KCNMB2: variants seen among roughly 807,000 people sequenced by gnomAD.
KCNMB2 encodes the protein calcium-activated potassium channel subunit beta-2.
A neutral mutation model predicts 24.5 loss-of-function variants in KCNMB2; 9 were observed. The ratio of observed to expected loss-of-function variants is 0.37; its 90% confidence interval spans 0.22 to 0.64. The LOEUF (loss-of-function observed/expected upper bound fraction) is 0.64, where lower values mean the gene tolerates loss of function less well. Ranked by LOEUF, KCNMB2 falls within the 30% of genes least tolerant of loss-of-function variation. The pLI is 0.63. For synonymous variants in KCNMB2, 109 were observed against 104.4 expected (o/e 1.04, Z -0.27); for missense variants, 226 against 284.3 (o/e 0.79, Z 1.47).
intron 1 of KCNMB2, among the ~76,000 whole-genome samples, chr3:178,775,624 T>G (rs1045483349): frequency 6.6e-6 from 1 of 152,234 alleles, no homozygotes; most frequent in African/African-American, 2.4e-5. Flanking sequence ...TCATACCAAA[T>G]AGCTACCCTT....
intron 1 of KCNMB2, among the ~76,000 whole-genome samples, chr3:178,689,736 G>A (rs1201068494): frequency 2.6e-5 from 4 of 152,148 alleles, no homozygotes; most frequent in Non-Finnish European, 5.9e-5. Context: ...CTCTAGAAAA[G>A]AAAACATAGA....
intron 1 of KCNMB2, among the ~76,000 whole-genome samples, chr3:178,612,445 A>C (rs1718514396): frequency 6.6e-6 from 1 of 152,172 alleles, no homozygotes; most frequent in South Asian, 2.1e-4. Flanking sequence ...ATATATTAAA[A>C]ATTGTTATAT....
At chr3:178,676,516 C>G (rs531954018) in intron 1 of KCNMB2, among the ~76,000 whole-genome samples, 1 of 152,298 alleles carries the variant, frequency 6.6e-6, no homozygotes, top group African/African-American at 2.4e-5. Flanking sequence ...TCTCTCCAAG[C>G]ACACCTTAGT....
At chr3:178,619,287 A>T (rs957273715) in intron 1 of KCNMB2, among the ~76,000 whole-genome samples, 5 of 152,208 alleles carry the variant, frequency 3.3e-5, no homozygotes, top group African/African-American at 1.2e-4. Flanking sequence ...CTCTAAGAAT[A>T]AATGTCAGAA....
chr3:178,795,603 G>A (rs1713508673), intron 1 of KCNMB2, among the ~76,000 whole-genome samples: 1 of 152,100 alleles, frequency 6.6e-6, no homozygotes, highest in Admixed American at 6.5e-5. Flanking sequence ...CTTGGAGTAG[G>A]GGGCCAAGGA....
At chr3:178,552,960 C>T (rs918695881) in intron 1 of KCNMB2, among the ~76,000 whole-genome samples, 6 of 152,110 alleles carry the variant, frequency 3.9e-5, no homozygotes, top group African/African-American at 1.2e-4. Flanking sequence ...AACACCTAAG[C>T]GTTTCTTACT....
intron 1 of KCNMB2, among the ~76,000 whole-genome samples, chr3:178,592,390 G>A (rs1717706785): frequency 6.6e-6 from 1 of 151,862 alleles, no homozygotes; most frequent in East Asian, 1.9e-4. Flanking sequence ...CTAAGCCAGA[G>A]GTCCATTGAG....
chr3:178,562,039 C>T (rs1340751988), intron 1 of KCNMB2, among the ~76,000 whole-genome samples: 3 of 152,148 alleles, frequency 2.0e-5, no homozygotes, highest in Admixed American at 6.5e-5. Flanking sequence ...AGTGACAGCT[C>T]GTGAACAAAT....
chr3:178,714,404 A>G (rs1253166757), intron 1 of KCNMB2, among the ~76,000 whole-genome samples: 6 of 152,290 alleles, frequency 3.9e-5, no homozygotes, highest in African/African-American at 1.4e-4. Context: ...CTGAGGCAGC[A>G]GAAGGAGCAG....
chr3:178,807,536 G>A, intron 2 of KCNMB2, 71 bp downstream of exon 2: 1 of 1,300,728 alleles, frequency 7.7e-7, no homozygotes, highest in East Asian at 2.3e-5. Context: ...ATACTGACAG[G>A]AAAGTAGTAG....
intron 1 of KCNMB2, among the ~76,000 whole-genome samples, chr3:178,779,967 G>T (rs1301076082): frequency 6.6e-6 from 1 of 150,534 alleles, no homozygotes; most frequent in Admixed American, 6.6e-5. Context: ...GATAAATGAT[G>T]GATTCTTTTC....
intron 1 of KCNMB2, among the ~76,000 whole-genome samples, chr3:178,636,971 CATT>C (rs1171833823): frequency 2.0e-5 from 3 of 152,098 alleles, no homozygotes; most frequent in Non-Finnish European, 2.9e-5. Context: ...TCAGTTCTTG[CATT>C]AGTTTGTTAA....
At chr3:178,606,185 CA>C (rs1718265031) in intron 1 of KCNMB2, among the ~76,000 whole-genome samples, 1 of 152,174 alleles carries the variant, frequency 6.6e-6, no homozygotes, top group Non-Finnish European at 1.5e-5. Context: ...TATTCAGCTG[CA>C]AATGTGCACT....
chr3:178,824,317 C>T (rs917089873), intron 2 of KCNMB2, among the ~76,000 whole-genome samples: 1 of 152,168 alleles, frequency 6.6e-6, no homozygotes, highest in African/African-American at 2.4e-5. Flanking sequence ...TGAGCTGTAG[C>T]TCCCCACCCC....
intron 2 of KCNMB2, among the ~76,000 whole-genome samples, chr3:178,820,909 T>C (rs941601162): frequency 6.6e-6 from 1 of 152,240 alleles, no homozygotes; most frequent in Non-Finnish European, 1.5e-5. Context: ...TTTGTTATTG[T>C]CAACATGTGG....
At chr3:178,651,891 C>T (rs549690526) in intron 1 of KCNMB2, among the ~76,000 whole-genome samples, 1 of 152,236 alleles carries the variant, frequency 6.6e-6, no homozygotes, top group Admixed American at 6.5e-5. Context: ...AAACTGGATC[C>T]CTTCCTTACA....
intron 1 of KCNMB2, among the ~76,000 whole-genome samples, chr3:178,722,676 T>C (rs1559989597): frequency 6.6e-6 from 1 of 152,132 alleles, no homozygotes. Flanking sequence ...GCAGATGGCT[T>C]GTGCTCTGGA....
chr3:178,653,575 A>G (rs1181187220), intron 1 of KCNMB2, among the ~76,000 whole-genome samples: 1 of 152,134 alleles, frequency 6.6e-6, no homozygotes, highest in African/African-American at 2.4e-5. Flanking sequence ...AGAGTTAAAC[A>G]AGGCCTGGCC....
chr3:178,751,707 A>T (rs577746464), intron 1 of KCNMB2, among the ~76,000 whole-genome samples: 12 of 150,936 alleles, frequency 8.0e-5, no homozygotes, highest in South Asian at 2.2e-4. Context: ...TTATTTGGAG[A>T]GTGTGCTAGA....
Sources: gnomAD v4.1 joint callset for allele counts (sites outside exome capture counted in the v4.1 genomes callset) on GRCh38, gnomAD v4.1.1 for gene constraint, MANE v1.5 for transcripts, NCBI Gene and HGNC (gene_info 2026-07-23, HGNC 2026-07-21) for gene names.